Variants in TMCC1 observed in about 807,000 individuals in gnomAD.
TMCC1 encodes transmembrane and coiled-coil domains protein 1.
Under a neutral mutation model 52.4 loss-of-function variants are expected in TMCC1, and 15 were observed. The ratio of observed to expected loss-of-function variants is 0.29; its 90% CI spans 0.19 to 0.44. The LOEUF (loss-of-function observed/expected upper bound fraction) is 0.44, where lower values mean the gene tolerates loss of function less well. Among genes scored for constraint, TMCC1 ranks in the 20% least tolerant of loss-of-function variants. TMCC1 has a pLI of 1.00. For missense variants in TMCC1, 503 were observed against 806.0 expected (o/e 0.62, Z 4.55); for synonymous variants, 279 against 301.9 (o/e 0.92, Z 0.79).
At chr3:129,826,338 CA>C (rs63640963) in intron 4 of TMCC1, among the ~76,000 whole-genome samples, 18,712 of 89,016 alleles carry the variant, frequency 0.21, 1,799 homozygotes, top group East Asian at 0.6. Flanking sequence ...CTCCTCTCTA[CA>C]AAAAAAAAAA....
At chr3:129,652,523 A>C (rs1274887760) in intron 6 of TMCC1, among the ~76,000 whole-genome samples, 1 of 152,218 alleles carries the variant, frequency 6.6e-6, no homozygotes, top group African/African-American at 2.4e-5. Context: ...TGTGGCAGTA[A>C]GACATCAAAT....
intron 1 of TMCC1, among the ~76,000 whole-genome samples, chr3:129,882,517 T>C (rs767819370): frequency 5.9e-5 from 9 of 152,156 alleles, no homozygotes; most frequent in Non-Finnish European, 8.8e-5. Flanking sequence ...TCTGGGTTTA[T>C]AGCAAAAAAG....
chr3:129,723,360 C>CTT (rs62761061), intron 4 of TMCC1, among the ~76,000 whole-genome samples: 29 of 105,614 alleles, frequency 2.7e-4, no homozygotes, highest in East Asian at 1.9e-3. Context: ...AAATCTTTTT[C>CTT]TTTTTTTTTT....
At chr3:129,877,921 C>A (rs1157652606) in intron 2 of TMCC1, among the ~76,000 whole-genome samples, 1 of 151,566 alleles carries the variant, frequency 6.6e-6, no homozygotes, top group Non-Finnish European at 1.5e-5. Flanking sequence ...CAGGCGTGAG[C>A]CACCGTGACC....
intron 2 of TMCC1, among the ~76,000 whole-genome samples, chr3:129,833,914 C>G (rs537743276): frequency 6.7e-4 from 102 of 152,222 alleles, no homozygotes; most frequent in African/African-American, 2.4e-3. Context: ...TTTAATTAGA[C>G]AAGTATTTTT....
intron 4 of TMCC1, among the ~76,000 whole-genome samples, chr3:129,820,266 T>C (rs2058352581): frequency 6.6e-6 from 1 of 151,670 alleles, no homozygotes; most frequent in Admixed American, 6.6e-5. Flanking sequence ...TCTTCACTTA[T>C]AAAAATAGAG....
chr3:129,808,085 G>A (rs2057563640), intron 4 of TMCC1, among the ~76,000 whole-genome samples: 1 of 129,774 alleles, frequency 7.7e-6, no homozygotes, highest in Non-Finnish European at 1.6e-5. Flanking sequence ...TGGGAGGATC[G>A]CTTGAAACTG....
chr3:129,704,413 G>A (rs533825853), intron 4 of TMCC1, among the ~76,000 whole-genome samples: 2 of 152,144 alleles, frequency 1.3e-5, no homozygotes, highest in South Asian at 4.2e-4. Flanking sequence ...GATGGGAAGA[G>A]CATTTTTTAT....
At chr3:129,830,779 GA>G (rs1245085087) in intron 3 of TMCC1, among the ~76,000 whole-genome samples, 3 of 152,062 alleles carry the variant, frequency 2.0e-5, no homozygotes, top group African/African-American at 7.2e-5. Context: ...AAGGTACTAG[GA>G]ATTTATTACT....
intron 4 of TMCC1, among the ~76,000 whole-genome samples, chr3:129,783,971 A>T (rs1046695624): frequency 1.3e-5 from 2 of 152,236 alleles, no homozygotes; most frequent in African/African-American, 2.4e-5. Context: ...CTTTCTGAAG[A>T]TTCAACAAAT....
intron 4 of TMCC1, among the ~76,000 whole-genome samples, chr3:129,750,912 A>G (rs1034888720): frequency 2.6e-5 from 4 of 151,314 alleles, no homozygotes; most frequent in African/African-American, 9.7e-5. Flanking sequence ...AAGAATTAAG[A>G]AAAAAGGTCT....
chr3:129,826,748 C>G (rs906066236), intron 4 of TMCC1, among the ~76,000 whole-genome samples: 2 of 151,480 alleles, frequency 1.3e-5, no homozygotes, highest in Non-Finnish European at 2.9e-5. Flanking sequence ...AGGTACTAGA[C>G]TCAGTATTTA....
At chr3:129,805,599 CAA>C (rs763869479) in intron 4 of TMCC1, among the ~76,000 whole-genome samples, 1 of 152,122 alleles carries the variant, frequency 6.6e-6, no homozygotes, top group Non-Finnish European at 1.5e-5. Context: ...GTAGAGAAGA[CAA>C]AGACTAGAAT....
chr3:129,760,495 T>TGTGTGTGTG (rs370985390), intron 4 of TMCC1, among the ~76,000 whole-genome samples: 95 of 144,540 alleles, frequency 6.6e-4, no homozygotes, highest in South Asian at 1.3e-3. Context: ...TGTGTGTGTG[T>TGTGTGTGTG]TTTTGAGACA....
In TMCC1 at chr3:129,869,283, C is replaced by T. The variant is rs140038872; in HGVS notation, c.-184+11026G>A. Among the ~76,000 whole-genome samples, 118 of 152,220 alleles carry T rather than the reference C, an allele frequency of 7.8e-4. 2 individuals are homozygous for T. In the East Asian group the frequency reaches 0.021, roughly 27 times the overall value. Reference sequence around the variant, plus strand: ...GGGAGGGTTTTGTGCCCAGAGAGGACATGAAAGCCTCACACCCCTCCCCCA... The same window carrying T: ...GGGAGGGTTTTGTGCCCAGAGAGGATATGAAAGCCTCACACCCCTCCCCCA... On this transcript the variant is annotated intron_variant, in intron 2 of 6. Transcript: ENST00000393238.
intron 4 of TMCC1, among the ~76,000 whole-genome samples, chr3:129,749,329 T>C (rs1274366867): frequency 6.6e-6 from 1 of 152,150 alleles, no homozygotes; most frequent in Non-Finnish European, 1.5e-5. Flanking sequence ...CCACTACTTA[T>C]AGCTAGTGAT....
intron 4 of TMCC1, among the ~76,000 whole-genome samples, chr3:129,724,771 T>C (rs2049941588): frequency 6.6e-6 from 1 of 152,174 alleles, no homozygotes; most frequent in South Asian, 2.1e-4. Flanking sequence ...CCTTATACTA[T>C]GAAAGTTCTA....
intron 4 of TMCC1, among the ~76,000 whole-genome samples, chr3:129,768,714 T>C (rs1576767275): frequency 6.6e-6 from 1 of 152,224 alleles, no homozygotes; most frequent in Admixed American, 6.5e-5. Context: ...TCAAAGTATA[T>C]GTATTCTTAT....
intron 4 of TMCC1, among the ~76,000 whole-genome samples, chr3:129,801,072 C>T (rs1050107408): frequency 4.6e-5 from 7 of 151,766 alleles, no homozygotes; most frequent in East Asian, 1.9e-4. Context: ...AACAGGCGCC[C>T]GCCACCACGC....
Sources: allele counts gnomAD v4.1 joint callset (sites outside exome capture counted in the v4.1 genomes callset), GRCh38; gene constraint gnomAD v4.1.1; transcripts MANE v1.5; gene names NCBI Gene and HGNC (gene_info 2026-07-23, HGNC 2026-07-21).